The following WNT2B variants were observed in gnomAD, a reference collection of about 807,000 sequenced individuals.
The protein encoded by WNT2B is Wnt family member 2B.
Under a neutral mutation model 40.5 loss-of-function variants are expected in WNT2B, and 19 were observed. The ratio of observed to expected loss-of-function variants is 0.47; its 90% CI spans 0.33 to 0.69. The LOEUF (loss-of-function observed/expected upper bound fraction) is 0.69, where lower values mean the gene tolerates loss of function less well. Among genes scored for constraint, WNT2B ranks in the 30% least tolerant of loss-of-function variants. The probability of loss-of-function intolerance (pLI) is 0.02; values close to 1 mark genes in which losing one functional copy is unlikely to be tolerated. For missense variants in WNT2B, 467 were observed against 556.4 expected (o/e 0.84, Z 1.62); for synonymous variants, 220 against 211.9 (o/e 1.04, Z -0.33).
At chr1:112,473,562 T>A (rs1240095302) in intron 1 of WNT2B, among the ~76,000 whole-genome samples, 1 of 133,378 alleles carries the variant, frequency 7.5e-6, no homozygotes, top group African/African-American at 4.2e-5. Context: ...GCATAAGAAA[T>A]TTTTTTTAAT....
intron 1 of WNT2B, among the ~76,000 whole-genome samples, chr1:112,497,013 T>C (rs747917923): frequency 4.6e-5 from 7 of 152,232 alleles, no homozygotes; most frequent in Non-Finnish European, 8.8e-5. Flanking sequence ...GAGAATAATC[T>C]TCTTTGACTC....
chr1:112,522,740 A>T lies in WNT2B; in HGVS notation c.*2231A>T, dbSNP rs547645467. The T allele has an allele frequency of 6.6e-6, 1 of 152,304 alleles. No individual in the cohort carries two copies. The highest frequency in any genetic ancestry group is 1.5e-5 in the Non-Finnish European group (1 of 68,128). 9.4% of individuals were successfully genotyped at this position (152,304 alleles called of 1,614,324 possible). A position where few individuals can be genotyped will look rare whatever the true frequency, so the allele number is the denominator to read the frequency against. On this transcript the variant is annotated 3_prime_UTR_variant, in exon 5 of 5. Coordinates refer to ENST00000369684, the MANE Select transcript of WNT2B (RefSeq NM_024494.3). ...TTGCTCTGGTTTCACATCCATTAAC[A>T]CAAAACATGAGCTAGTCAGGGCCCT...
At position 112,509,669 on chromosome 1, in the gene WNT2B, C is replaced by G. The variant is rs1409463200; in HGVS notation, c.182+225C>G. Among the ~76,000 whole-genome samples, 1 of 152,182 alleles carries G rather than the reference C, an allele frequency of 6.6e-6. No individual in the cohort carries two copies. Among genetic ancestry groups the G allele is most frequent in the African/African-American group, 2.4e-5 (1 of 41,448 alleles). ...GCTGGGCATTCGGAGCAAGGATGCC[C>G]GGTGGTCGCGGCTCCTTAGGCCTCC... On this transcript the variant is annotated intron_variant, in intron 1 of 4. Coordinates refer to ENST00000369684, the MANE Select transcript of WNT2B (RefSeq NM_024494.3). The surrounding 1 kb of genome is among the most constrained non-coding windows in gnomAD (Gnocchi z 4.2).
chr1:112,497,301 T>C lies in WNT2B; in HGVS notation c.-94-17573T>C, dbSNP rs74112746. Among the ~76,000 whole-genome samples, 843 of 152,296 alleles carry C rather than the reference T, an allele frequency of 5.5e-3. 6 individuals are homozygous for C. The highest frequency in any genetic ancestry group is 0.019 in the African/African-American group (786 of 41,556). ...CTGCAGCAAGTCTTTGCCCGGGCCC[T>C]GAGGTTGTCTGAGGCATCCTTTCAA... is the stretch of plus-strand genomic sequence containing the variant. On this transcript the variant is annotated intron_variant, in intron 1 of 4. Transcript: ENST00000256640.
At position 112,509,280 on chromosome 1, in the gene WNT2B, T is replaced by G; in HGVS notation, c.18T>G (p.Gly6=). The part of the protein sequence containing the change: MLRPG[G]AEEAAQLPLR... ...GGGGAGCTATGCTGAGACCGGGTGGTGCGGAGGAAGCTGCGCAGCTCCCGC... is the reference window on the plus strand; with the variant it reads ...GGGGAGCTATGCTGAGACCGGGTGGGGCGGAGGAAGCTGCGCAGCTCCCGC... Residue 6 remains glycine, a synonymous_variant, in exon 1 of 5, where the codon GGT becomes GGG. Transcript: ENST00000369684. This position sits in a 1 kb window ranked among gnomAD's most constrained non-coding sequence, Gnocchi z 4.2. 2 of 1,537,000 alleles carry G rather than the reference T, an allele frequency of 1.3e-6. No individual in the cohort carries two copies. Among genetic ancestry groups the G allele is most frequent in the Non-Finnish European group, 1.7e-6 (2 of 1,146,994 alleles).
At position 112,521,716 on chromosome 1, in the gene WNT2B, A is replaced by G. The variant is rs1652892700; in HGVS notation, c.*1207A>G. On this transcript the variant is annotated 3_prime_UTR_variant, in exon 5 of 5. Transcript: ENST00000369684. ...CACTCCACATTTGGCTTAATGGGTA[A>G]TGCTATTACCCATTGCCTAACTAGG... The G allele has an allele frequency of 6.6e-6, 1 of 152,178 alleles. No homozygotes were observed. Among genetic ancestry groups the G allele is most frequent in the South Asian group, 2.1e-4 (1 of 4,824 alleles). 9.4% of individuals were successfully genotyped at this position (152,178 alleles called of 1,614,324 possible). A position where few individuals can be genotyped will look rare whatever the true frequency, so the allele number is the denominator to read the frequency against.
At chr1:112,517,784 A>G (rs1460949820) in intron 4 of WNT2B, 1 of 165,028 alleles carries the variant, frequency 6.1e-6, no homozygotes, top group Non-Finnish European at 1.3e-5. Context: ...CATAATGGGT[A>G]GACAAATGCA....
intron 1 of WNT2B, among the ~76,000 whole-genome samples, chr1:112,468,501 G>A (rs1324737530): frequency 1.3e-5 from 2 of 152,020 alleles, no homozygotes; most frequent in Non-Finnish European, 2.9e-5. Flanking sequence ...TCTAACTGGG[G>A]TAAGACGATA....
Position 112,526,375 on chromosome 1 carries a change from C to A in WNT2B, c.*5866C>A, listed in dbSNP as rs1653392933. ...TTAACATTAAAAATTTTATCTAGTC[C>A]TTTTGAAATTATGCTAAATGTATAG... On this transcript the variant is annotated 3_prime_UTR_variant, in exon 5 of 5. Transcript: ENST00000369684. The A allele has an allele frequency of 5.5e-6, 2 of 366,746 alleles. No homozygotes were observed. Among genetic ancestry groups the A allele is most frequent in the East Asian group, 8.6e-5 (2 of 23,142 alleles). The allele number at this position is 366,746 out of a possible 1,614,324, so 22.7% of individuals were successfully genotyped here.
At chr1:112,501,047 G>C (rs55633098) in intron 1 of WNT2B, among the ~76,000 whole-genome samples, 1 of 151,958 alleles carries the variant, frequency 6.6e-6, no homozygotes, top group African/African-American at 2.4e-5. Flanking sequence ...TTTACTTGTC[G>C]TGTCTCCTTA....
intron 3 of WNT2B, 138 bp from the exon 4 acceptor site, chr1:112,516,983 G>T: frequency 1.7e-6 from 2 of 1,147,498 alleles, no homozygotes; most frequent in Non-Finnish European, 2.5e-6. Flanking sequence ...ATCTGATGTG[G>T]GAGAGAACCG....
In WNT2B at chr1:112,523,994, A is replaced by T. The variant is rs1653034052; in HGVS notation, c.*3485A>T. 6.6e-6 allele frequency: 1 copy of T among 151,760 alleles called. No individual in the cohort carries two copies. Among genetic ancestry groups the T allele is most frequent in the Admixed American group, 6.6e-5 (1 of 15,258 alleles). The allele number at this position is 151,760 out of a possible 1,614,324, so 9.4% of individuals were successfully genotyped here. ...CTGGAAAAATAAAATCAGGGGCTTCAGATTAAAAAAAAAAACAAAAAACAA... is the reference window on the plus strand; with the variant it reads ...CTGGAAAAATAAAATCAGGGGCTTCTGATTAAAAAAAAAAACAAAAAACAA... On this transcript the variant is annotated 3_prime_UTR_variant, in exon 5 of 5. Coordinates refer to ENST00000369684, the MANE Select transcript of WNT2B (RefSeq NM_024494.3).
chr1:112,485,545 C>G (rs567529797), intron 1 of WNT2B, among the ~76,000 whole-genome samples: 1 of 151,368 alleles, frequency 6.6e-6, no homozygotes, highest in Admixed American at 6.6e-5. Flanking sequence ...ATCAATCAAA[C>G]AGAATGAAGA....
At chr1:112,519,531 A>C (rs1652743149) in intron 4 of WNT2B, among the ~76,000 whole-genome samples, 1 of 152,310 alleles carries the variant, frequency 6.6e-6, no homozygotes, top group African/African-American at 2.4e-5. Flanking sequence ...TCTTTTGCTA[A>C]AATCAGTCAG....
At chr1:112,488,786 C>A (rs894509966) in intron 1 of WNT2B, among the ~76,000 whole-genome samples, 1 of 152,066 alleles carries the variant, frequency 6.6e-6, no homozygotes, top group African/African-American at 2.4e-5. Flanking sequence ...GATCTCCTGA[C>A]CTCGTGATCT....
chr1:112,492,674 TTTA>T (rs1489454038), intron 1 of WNT2B, among the ~76,000 whole-genome samples: 1 of 152,164 alleles, frequency 6.6e-6, no homozygotes, highest in Admixed American at 6.5e-5. Context: ...AACCTAAGCT[TTTA>T]TTATTACTTT....
intron 1 of WNT2B, among the ~76,000 whole-genome samples, chr1:112,482,659 C>G (rs1281725016): frequency 6.6e-6 from 1 of 152,068 alleles, no homozygotes; most frequent in Non-Finnish European, 1.5e-5. Context: ...ACACAAACAG[C>G]AAAGTAGTCA....
rs1485026829 is a variant in WNT2B at position 112,523,131 on chromosome 1, C to T, written c.*2622C>T. On this transcript the variant is annotated 3_prime_UTR_variant, in exon 5 of 5. Coordinates refer to ENST00000369684, the MANE Select transcript of WNT2B (RefSeq NM_024494.3). ...GCATATGCCTTCCATAGGACGTCAACCTGACTTAAATCTACCTATACCCTA... is the reference window on the plus strand; with the variant it reads ...GCATATGCCTTCCATAGGACGTCAATCTGACTTAAATCTACCTATACCCTA... The T allele has an allele frequency of 6.6e-6, 1 of 152,192 alleles. No homozygotes were observed. Among genetic ancestry groups the T allele is most frequent in the African/African-American group, 2.4e-5 (1 of 41,432 alleles). The allele number at this position is 152,192 out of a possible 1,614,324, so 9.4% of individuals were successfully genotyped here. A position where few individuals can be genotyped will look rare whatever the true frequency, so the allele number is the denominator to read the frequency against.
At position 112,509,566 on chromosome 1, in the gene WNT2B, A is replaced by C; in HGVS notation, c.182+122A>C. On this transcript the variant is annotated intron_variant, in intron 1 of 4. Coordinates refer to ENST00000369684, the MANE Select transcript of WNT2B (RefSeq NM_024494.3). This position sits in a 1 kb window ranked among gnomAD's most constrained non-coding sequence, Gnocchi z 4.2. Reference sequence around the variant, plus strand: ...TCGACGGGTTGGAGACGATTCGGGCAGGACTGTCACTGAAATCTGAAGTCG... The same window carrying C: ...TCGACGGGTTGGAGACGATTCGGGCCGGACTGTCACTGAAATCTGAAGTCG... 9.1e-7 allele frequency: 1 copy of C among 1,093,882 alleles called. No homozygotes were observed. The highest frequency in any genetic ancestry group is 1.2e-6 in the Non-Finnish European group (1 of 818,404). 67.8% of individuals were successfully genotyped at this position (1,093,882 alleles called of 1,614,324 possible).
Sources: allele counts gnomAD v4.1 joint callset (sites outside exome capture counted in the v4.1 genomes callset), GRCh38; gene constraint gnomAD v4.1.1; non-coding constraint Gnocchi (gnomAD v3.1); transcripts MANE v1.5; gene names NCBI Gene and HGNC (gene_info 2026-07-23, HGNC 2026-07-21).